METTL9: variants seen among roughly 807,000 people sequenced by gnomAD.
METTL9 encodes the protein methyltransferase 9, His-X-His N1(pi)-histidine.
In METTL9, 10 loss-of-function variants were observed where a neutral mutation model predicts 36.0. The ratio of observed to expected loss-of-function variants is 0.28; its 90% confidence interval spans 0.17 to 0.47. METTL9 has a LOEUF of 0.47. Ranked by LOEUF, METTL9 falls within the 20% of genes least tolerant of loss-of-function variation. The pLI, the probability that METTL9 is intolerant of heterozygous loss-of-function variation, is 0.99. For synonymous variants in METTL9, 175 were observed against 149.7 expected (o/e 1.17, Z -1.23); for missense variants, 246 against 383.5 (o/e 0.64, Z 3.00).
At chr16:21,600,182 G>A (rs996222383) in intron 1 of METTL9, among the ~76,000 whole-genome samples, 3 of 152,112 alleles carry the variant, frequency 2.0e-5, no homozygotes, top group African/African-American at 7.2e-5. Context: ...TTGTTCCTGG[G>A]TCCCGGGCGG....
At chr16:21,597,484 T>G (rs941794390), upstream of METTL9, among the ~76,000 whole-genome samples, 7 of 152,194 alleles carry the variant, frequency 4.6e-5, no homozygotes, top group African/African-American at 1.7e-4. Flanking sequence ...TAAAACAAAA[T>G]CTGCTCCTTT....
intron 4 of METTL9, chr16:21,639,858 T>C (rs1966201510): frequency 6.6e-6 from 1 of 152,220 alleles, no homozygotes; most frequent in South Asian, 2.1e-4. Context: ...AATCTTAAAA[T>C]ATTTAACAAT....
chr16:21,635,743 C>A (rs190141159), intron 4 of METTL9, among the ~76,000 whole-genome samples: 5 of 152,202 alleles, frequency 3.3e-5, no homozygotes, highest in African/African-American at 9.6e-5. Context: ...CCTGTTGATG[C>A]CTGTTTCCCA....
rs567484477 is a variant in METTL9, at chr16:21,641,650, A to G, written c.752-13577A>G. The G allele has an allele frequency of 2.5e-5, 28 of 1,105,284 alleles. No individual in the cohort carries two copies. The East Asian group carries it at 6.2e-4, about 24-fold the overall frequency. 68.5% of individuals were successfully genotyped at this position (1,105,284 alleles called of 1,614,324 possible). On this transcript the variant is annotated intron_variant, in intron 4 of 4. Coordinates refer to ENST00000358154, the MANE Select transcript of METTL9 (RefSeq NM_016025.5). ...TAAGGTTATGTAACCAATGAAGCCAACTGCCAAGGAACATGCAAACCACTG... is the reference window on the plus strand; with the variant it reads ...TAAGGTTATGTAACCAATGAAGCCAGCTGCCAAGGAACATGCAAACCACTG...
At chr16:21,624,553 C>A (rs1965777389) in intron 3 of METTL9, among the ~76,000 whole-genome samples, 1 of 151,828 alleles carries the variant, frequency 6.6e-6, no homozygotes, top group South Asian at 2.1e-4. Context: ...GTGGTAAAAC[C>A]CCGTCTCTAC....
intron 2 of METTL9, 68 bp from the exon 3 acceptor site, chr16:21,617,797 T>G (rs1965590946): frequency 7.6e-7 from 1 of 1,316,952 alleles, no homozygotes; most frequent in Non-Finnish European, 1.1e-6. Context: ...TATATTCACT[T>G]TGTGTGTGTA....
intron 4 of METTL9, chr16:21,654,991 T>C: frequency 1.9e-6 from 1 of 538,088 alleles, no homozygotes; most frequent in Non-Finnish European, 3.3e-6. Flanking sequence ...GGGCTTACAT[T>C]TCCATACTGA....
At chr16:21,602,661 A>C (rs1018063191) in intron 1 of METTL9, among the ~76,000 whole-genome samples, 3 of 96,370 alleles carry the variant, frequency 3.1e-5, no homozygotes, top group African/African-American at 5.3e-5. Context: ...TCTACAAATA[A>C]AGTGTTTTTT....
chr16:21,617,408 G>A (rs1158628023), intron 2 of METTL9, among the ~76,000 whole-genome samples: 4 of 133,360 alleles, frequency 3.0e-5, no homozygotes, highest in South Asian at 2.5e-4. Context: ...ACGGCAGAGC[G>A]AGACTCTGTC....
At chr16:21,602,665 G>GTTT (rs11415914) in intron 1 of METTL9, among the ~76,000 whole-genome samples, 2 of 150,094 alleles carry the variant, frequency 1.3e-5, no homozygotes, top group Admixed American at 6.6e-5. Flanking sequence ...CAAATAAAGT[G>GTTT]TTTTTTTTTT....
At chr16:21,641,810 A>C (rs1043937922) in intron 4 of METTL9, among the ~76,000 whole-genome samples, 1 of 152,142 alleles carries the variant, frequency 6.6e-6, no homozygotes. Context: ...TGCTACTGTC[A>C]AAATCGTGGC....
chr16:21,653,923 C>T (rs1259177041), intron 4 of METTL9: 1 of 151,690 alleles, frequency 6.6e-6, no homozygotes, highest in Non-Finnish European at 1.5e-5. Flanking sequence ...AGAGCGTCAT[C>T]TGCACCACTG....
At chr16:21,635,368 AGAG>A (rs1393738271) in intron 4 of METTL9, among the ~76,000 whole-genome samples, 2 of 152,016 alleles carry the variant, frequency 1.3e-5, no homozygotes, top group Non-Finnish European at 2.9e-5. Flanking sequence ...AGGGGAGATT[AGAG>A]GAGGATTATC....
chr16:21,606,377 T>A (rs1272104802), intron 1 of METTL9, among the ~76,000 whole-genome samples: 1 of 152,060 alleles, frequency 6.6e-6, no homozygotes, highest in African/African-American at 2.4e-5. Context: ...TTAGGTTTAC[T>A]GGTTTATTAC....
chr16:21,654,932 A>G, intron 4 of METTL9: 1 of 398,818 alleles, frequency 2.5e-6, no homozygotes, highest in South Asian at 3.2e-5. Flanking sequence ...ATACTACCCA[A>G]AACTGTCAGA....
intron 4 of METTL9, among the ~76,000 whole-genome samples, chr16:21,630,439 C>T (rs569506635): frequency 6.6e-6 from 1 of 152,366 alleles, no homozygotes; most frequent in South Asian, 2.1e-4. Context: ...CGAGCACAGC[C>T]AGAGCCGACG....
chr16:21,608,074 G>C (rs570669078), intron 1 of METTL9, among the ~76,000 whole-genome samples: 2 of 151,902 alleles, frequency 1.3e-5, no homozygotes, highest in African/African-American at 2.4e-5. Context: ...ACTTGAACCC[G>C]GCAGGCAGAG....
At chr16:21,605,260 T>C (rs1003245459) in intron 1 of METTL9, among the ~76,000 whole-genome samples, 2 of 44,366 alleles carry the variant, frequency 4.5e-5, no homozygotes, top group African/African-American at 2.2e-4. Context: ...TTGCCTTCTT[T>C]TTTTTTTTTT....
intron 3 of METTL9, among the ~76,000 whole-genome samples, chr16:21,624,687 A>G (rs992357825): frequency 6.6e-6 from 1 of 151,938 alleles, no homozygotes; most frequent in African/African-American, 2.4e-5. Context: ...AGATTGCTCT[A>G]CTGTACTCCA....
Sources: gnomAD v4.1 joint callset for allele counts (sites outside exome capture counted in the v4.1 genomes callset) on GRCh38, gnomAD v4.1.1 for gene constraint, MANE v1.5 for transcripts, NCBI Gene and HGNC (gene_info 2026-07-23, HGNC 2026-07-21) for gene names.